The following MIS18A variants were observed in gnomAD, a reference collection of about 807,000 sequenced individuals.
MIS18A encodes the protein protein Mis18-alpha.
A neutral mutation model predicts 25.0 loss-of-function variants in MIS18A; 14 were observed. The observed-to-expected ratio is 0.56, with a 90% CI of 0.37 to 0.88. The LOEUF (loss-of-function observed/expected upper bound fraction) is 0.88, where lower values mean the gene tolerates loss of function less well. Among genes scored for constraint, MIS18A ranks in the 40% least tolerant of loss-of-function variants. The probability of loss-of-function intolerance (pLI) is 0.00; values close to 1 mark genes in which losing one functional copy is unlikely to be tolerated. For synonymous variants in MIS18A, 134 were observed against 118.6 expected (o/e 1.13, Z -0.84); for missense variants, 292 against 290.8 (o/e 1.00, Z -0.03).
At chr21:32,170,071 T>A in the MIS18A span, among the ~76,000 whole-genome samples, 1 of 152,230 alleles carries the variant, frequency 6.6e-6, no homozygotes, top group East Asian at 1.9e-4. Flanking sequence ...ACAAATACTT[T>A]AAACAAACTA....
chr21:32,185,624 T>C, the MIS18A span, among the ~76,000 whole-genome samples: 1 of 152,158 alleles, frequency 6.6e-6, no homozygotes, highest in Non-Finnish European at 1.5e-5. Flanking sequence ...AGAGGAGCTC[T>C]TGATAGAGTC....
chr21:32,243,058 G>A, the MIS18A span, among the ~76,000 whole-genome samples: 4 of 152,114 alleles, frequency 2.6e-5, no homozygotes, highest in South Asian at 6.2e-4. Context: ...GACATCCAGA[G>A]GCAAAATAAA....
At chr21:32,214,243 G>C in the MIS18A span, among the ~76,000 whole-genome samples, 1 of 152,176 alleles carries the variant, frequency 6.6e-6, no homozygotes, top group Non-Finnish European at 1.5e-5. Flanking sequence ...TCTCAGATGG[G>C]ACATGAGAGG....
rs776775699 is a variant in MIS18A at position 32,274,916 on chromosome 21, C to G, written c.335-20G>C. 3 of 1,590,218 alleles carry G rather than the reference C, an allele frequency of 1.9e-6. No individual in the cohort carries two copies. The highest frequency in any genetic ancestry group is 3.3e-4 in the Middle Eastern group (2 of 6,014). ...AAACACCTAGAAACAGAGAAAGTAA[C>G]AATAATTTATTAATGTAGTTCGTTA... On this transcript the variant is annotated intron_variant, in intron 1 of 4. Transcript: ENST00000290130.
At chr21:32,173,955 G>GT in the MIS18A span, among the ~76,000 whole-genome samples, 3,701 of 92,544 alleles carry the variant, frequency 0.04, 438 homozygotes, top group African/African-American at 0.079. Flanking sequence ...TACTTTTTAA[G>GT]TTTTTTTTTT....
chr21:32,178,282 CAG>C, the MIS18A span, among the ~76,000 whole-genome samples: 1 of 152,158 alleles, frequency 6.6e-6, no homozygotes, highest in Non-Finnish European at 1.5e-5. Context: ...CATGGAAATG[CAG>C]AGAGACCAAA....
the MIS18A span, among the ~76,000 whole-genome samples, chr21:32,237,957 T>G: frequency 6.6e-6 from 1 of 152,074 alleles, no homozygotes; most frequent in African/African-American, 2.4e-5. Flanking sequence ...ACCCAGATGC[T>G]CTCCATCTTT....
the MIS18A span, among the ~76,000 whole-genome samples, chr21:32,156,803 G>A: frequency 6.7e-6 from 1 of 148,336 alleles, no homozygotes; most frequent in East Asian, 1.9e-4. Context: ...TGTGGGAGGG[G>A]CACCATGTAA....
At chr21:32,234,862 C>T in the MIS18A span, among the ~76,000 whole-genome samples, 4 of 152,304 alleles carry the variant, frequency 2.6e-5, no homozygotes, top group African/African-American at 7.2e-5. Flanking sequence ...ATTACCCAGC[C>T]TTGGGTATTC....
chr21:32,185,073 T>C, the MIS18A span, among the ~76,000 whole-genome samples: 4 of 152,114 alleles, frequency 2.6e-5, no homozygotes, highest in African/African-American at 9.7e-5. Context: ...TTGCCTACGA[T>C]GTAAGTACCC....
At chr21:32,239,941 C>G in the MIS18A span, among the ~76,000 whole-genome samples, 1 of 152,204 alleles carries the variant, frequency 6.6e-6, no homozygotes, top group Non-Finnish European at 1.5e-5. Context: ...TATTCCTGAT[C>G]ACCTTTCCTG....
the MIS18A span, among the ~76,000 whole-genome samples, chr21:32,254,339 A>G: frequency 6.6e-6 from 1 of 152,178 alleles, no homozygotes; most frequent in South Asian, 2.1e-4. Flanking sequence ...CAGGAGTTCA[A>G]GACTAGCCTG....
At chr21:32,242,322 A>G in the MIS18A span, among the ~76,000 whole-genome samples, 1 of 152,242 alleles carries the variant, frequency 6.6e-6, no homozygotes, top group African/African-American at 2.4e-5. Flanking sequence ...CCATTTCGGA[A>G]GGTGAAAGCC....
At chr21:32,278,567 T>G (rs1416498130) in intron 1 of MIS18A, 114 bp downstream of exon 1, 7 of 1,153,658 alleles carry the variant, frequency 6.1e-6, no homozygotes, top group Non-Finnish European at 8.3e-6. Context: ...CTTTTTGCTC[T>G]TAAAGTCCCT....
At chr21:32,265,679 C>T (rs1412588478), downstream of MIS18A, among the ~76,000 whole-genome samples, 1 of 152,264 alleles carries the variant, frequency 6.6e-6, no homozygotes, top group East Asian at 1.9e-4. Context: ...CTCCATGGCG[C>T]CCAGTCCCAT....
chr21:32,162,863 C>T, the MIS18A span, among the ~76,000 whole-genome samples: 12 of 152,320 alleles, frequency 7.9e-5, no homozygotes, highest in Non-Finnish European at 1.6e-4. Flanking sequence ...CATGGCCAAT[C>T]GCTCCAGGAG....
chr21:32,199,353 T>C, the MIS18A span, among the ~76,000 whole-genome samples: 4 of 152,050 alleles, frequency 2.6e-5, no homozygotes, highest in Non-Finnish European at 5.9e-5. Flanking sequence ...TTTGCTTACA[T>C]GCTCCCTCTT....
chr21:32,162,366 G>A, the MIS18A span, among the ~76,000 whole-genome samples: 33 of 152,284 alleles, frequency 2.2e-4, 1 homozygote, highest in East Asian at 5.8e-3. Context: ...GCGCTGCGTC[G>A]AGGATCTTTG....
chr21:32,181,584 G>C, the MIS18A span, among the ~76,000 whole-genome samples: 2 of 152,098 alleles, frequency 1.3e-5, no homozygotes, highest in Non-Finnish European at 2.9e-5. Flanking sequence ...ACTGACTCTT[G>C]AGCCAGGGAA....
Sources: allele counts gnomAD v4.1 joint callset (sites outside exome capture counted in the v4.1 genomes callset), GRCh38; gene constraint gnomAD v4.1.1; transcripts MANE v1.5; gene names NCBI Gene and HGNC (gene_info 2026-07-23, HGNC 2026-07-21).